The following DYNC1I1 variants were observed in gnomAD, a reference collection of about 807,000 sequenced individuals.
DYNC1I1 encodes dynein cytoplasmic 1 intermediate chain 1.
DYNC1I1 carries 43 observed loss-of-function variants against 86.6 expected under a neutral mutation model. That is an observed-to-expected ratio of 0.50 (90% confidence interval 0.39 to 0.64). The LOEUF (loss-of-function observed/expected upper bound fraction) is 0.64. Ranked by LOEUF, DYNC1I1 falls within the 30% of genes least tolerant of loss-of-function variation. The pLI, the probability that DYNC1I1 is intolerant of heterozygous loss-of-function variation, is 0.00. For missense variants in DYNC1I1, 604 were observed against 788.8 expected (o/e 0.77, Z 2.81); for synonymous variants, 262 against 283.7 (o/e 0.92, Z 0.77).
At chr7:95,988,938 G>A (rs1793662392) in intron 9 of DYNC1I1, among the ~76,000 whole-genome samples, 1 of 152,096 alleles carries the variant, frequency 6.6e-6, no homozygotes, top group Non-Finnish European at 1.5e-5. Flanking sequence ...ACTCAACTAG[G>A]GTATGGTATA....
chr7:95,857,945 CTT>C (rs1789769430), intron 5 of DYNC1I1, among the ~76,000 whole-genome samples: 1 of 152,200 alleles, frequency 6.6e-6, no homozygotes, highest in Admixed American at 6.5e-5. Flanking sequence ...GTCACAAACT[CTT>C]TGCTTTGTCT....
At chr7:95,806,336 G>C (rs936730623) in intron 2 of DYNC1I1, among the ~76,000 whole-genome samples, 1 of 152,152 alleles carries the variant, frequency 6.6e-6, no homozygotes, top group African/African-American at 2.4e-5. Flanking sequence ...TATGCTGTCT[G>C]CTTCATCTTT....
intron 5 of DYNC1I1, among the ~76,000 whole-genome samples, chr7:95,828,453 T>C (rs1209212007): frequency 6.6e-6 from 1 of 152,142 alleles, no homozygotes; most frequent in African/African-American, 2.4e-5. Flanking sequence ...ATCATCACCA[T>C]CCTCCCCTTT....
rs201506783 is a variant in DYNC1I1 at position 96,063,099 on chromosome 7, G to GTA, written c.1510-12950_1510-12949dup. Reference sequence around the variant, plus strand: ...TATATGTGTATGTGTGTGTGTGTGTGTATATATATGTGTGTGTGTGTGTGT... The same window carrying GTA: ...TATATGTGTATGTGTGTGTGTGTGTGTATATATATATGTGTGTGTGTGTGTGT... On this transcript the variant is annotated intron_variant, in intron 14 of 16. Transcript: ENST00000447467. Among the ~76,000 whole-genome samples, 124 of 139,756 alleles carry GTA rather than the reference G, an allele frequency of 8.9e-4. 1 individual carries two copies. The highest frequency in any genetic ancestry group is 2.2e-3 in the South Asian group (9 of 4,182). 91.7% of individuals were successfully genotyped at this position (139,756 alleles called of 152,430 possible). A position where few individuals can be genotyped will look rare whatever the true frequency, so the allele number is the denominator to read the frequency against.
At chr7:96,035,872 A>T in intron 13 of DYNC1I1, 120 bp downstream of exon 13, 1 of 1,468,540 alleles carries the variant, frequency 6.8e-7, no homozygotes, top group African/African-American at 1.4e-5. Flanking sequence ...GGAAAGCACG[A>T]CTTCAACTCT....
chr7:95,815,158 A>G (rs981626877), intron 4 of DYNC1I1, among the ~76,000 whole-genome samples: 1 of 152,170 alleles, frequency 6.6e-6, no homozygotes, highest in Non-Finnish European at 1.5e-5. Flanking sequence ...AAGCTGACCT[A>G]TGCTGTTAGT....
At chr7:95,891,469 T>C (rs559551533) in intron 6 of DYNC1I1, among the ~76,000 whole-genome samples, 55 of 152,348 alleles carry the variant, frequency 3.6e-4, no homozygotes, top group Admixed American at 2.6e-4. Flanking sequence ...TTTGCCTTTG[T>C]AGATGTCTCT....
intron 9 of DYNC1I1, among the ~76,000 whole-genome samples, chr7:95,991,660 A>G (rs759442304): frequency 6.6e-6 from 1 of 152,020 alleles, no homozygotes; most frequent in South Asian, 2.1e-4. Context: ...GCTTCTGTTG[A>G]CTGGGGTAAT....
intron 9 of DYNC1I1, among the ~76,000 whole-genome samples, chr7:95,991,090 T>C (rs1032922670): frequency 6.6e-6 from 1 of 151,968 alleles, no homozygotes; most frequent in Non-Finnish European, 1.5e-5. Context: ...TTTAAAAGTG[T>C]CTGGTGCATA....
intron 10 of DYNC1I1, among the ~76,000 whole-genome samples, chr7:96,008,022 C>T (rs1794184095): frequency 6.6e-6 from 1 of 152,138 alleles, no homozygotes; most frequent in African/African-American, 2.4e-5. Context: ...TTTATTATTG[C>T]ACTTGGGAAT....
chr7:95,897,698 AT>A (rs1790921577), intron 6 of DYNC1I1, among the ~76,000 whole-genome samples: 1 of 148,758 alleles, frequency 6.7e-6, no homozygotes, highest in African/African-American at 2.5e-5. Context: ...GTATGTGCTC[AT>A]TTTTTTAAAT....
At chr7:95,909,550 G>A (rs1418582704) in intron 6 of DYNC1I1, among the ~76,000 whole-genome samples, 1 of 152,124 alleles carries the variant, frequency 6.6e-6, no homozygotes, top group Non-Finnish European at 1.5e-5. Flanking sequence ...GAAAGGAAAA[G>A]AGGAAGGAGG....
Position 96,098,026 on chromosome 7 carries a change from T to G in DYNC1I1, c.*433T>G. The G allele has an allele frequency of 1.0e-5, 10 of 990,580 alleles. No homozygotes were observed. The highest frequency in any genetic ancestry group is 1.2e-5 in the Non-Finnish European group (10 of 832,716). 61.4% of individuals were successfully genotyped at this position (990,580 alleles called of 1,614,324 possible). A position where few individuals can be genotyped will look rare whatever the true frequency, so the allele number is the denominator to read the frequency against. ...GGCCAAAGACTTGAGACGTGGTGTT[T>G]TACATGGTGACTCACATTATGAATG... On this transcript the variant is annotated 3_prime_UTR_variant, in exon 17 of 17. Transcript: ENST00000447467.
chr7:96,026,962 T>C (rs528693216), intron 10 of DYNC1I1, among the ~76,000 whole-genome samples: 2 of 152,204 alleles, frequency 1.3e-5, no homozygotes, highest in Non-Finnish European at 2.9e-5. Flanking sequence ...GGTGTGCAAG[T>C]TGTGCTCTGC....
intron 6 of DYNC1I1, among the ~76,000 whole-genome samples, chr7:95,940,376 A>G (rs896280485): frequency 7.2e-5 from 11 of 152,210 alleles, no homozygotes; most frequent in African/African-American, 9.6e-5. Context: ...TCTCCTGGAT[A>G]ATATCCTGCA....
intron 6 of DYNC1I1, among the ~76,000 whole-genome samples, chr7:95,970,334 G>T (rs373195677): frequency 4.7e-4 from 71 of 152,182 alleles, no homozygotes; most frequent in African/African-American, 1.5e-3. Flanking sequence ...CAGCCTCCAC[G>T]TTGCTGCCAT....
chr7:96,018,591 A>T (rs1421434320), intron 10 of DYNC1I1, among the ~76,000 whole-genome samples: 4 of 152,160 alleles, frequency 2.6e-5, no homozygotes, highest in Non-Finnish European at 5.9e-5. Context: ...AATAAACAAG[A>T]AAACTCCTAG....
chr7:95,928,543 G>C (rs1336049393), intron 6 of DYNC1I1, among the ~76,000 whole-genome samples: 1 of 152,122 alleles, frequency 6.6e-6, no homozygotes, highest in East Asian at 1.9e-4. Flanking sequence ...CACACAGGCT[G>C]CAGGGGGAGT....
intron 16 of DYNC1I1, among the ~76,000 whole-genome samples, chr7:96,106,892 T>G (rs1019369588): frequency 7.9e-5 from 12 of 152,330 alleles, no homozygotes; most frequent in African/African-American, 2.6e-4. Flanking sequence ...GAACATGAAT[T>G]CTTCAGATCT....
Sources: allele counts gnomAD v4.1 joint callset (sites outside exome capture counted in the v4.1 genomes callset), GRCh38; gene constraint gnomAD v4.1.1; transcripts MANE v1.5; gene names NCBI Gene and HGNC (gene_info 2026-07-23, HGNC 2026-07-21).